VWA8: variants seen among roughly 807,000 people sequenced by gnomAD.
The protein encoded by VWA8 is von Willebrand factor A domain containing 8.
VWA8 carries 221 observed loss-of-function variants against 241.5 expected under a neutral mutation model. That is an observed-to-expected ratio of 0.91 (90% CI 0.82 to 1.02). The LOEUF (loss-of-function observed/expected upper bound fraction) is 1.02, where lower values mean the gene tolerates loss of function less well. Among genes scored for constraint, VWA8 ranks in the 50% least tolerant of loss-of-function variants. The pLI, the probability that VWA8 is intolerant of heterozygous loss-of-function variation, is 0.00. For synonymous variants in VWA8, 852 were observed against 827.1 expected (o/e 1.03, Z -0.52); for missense variants, 2,322 against 2,328.7 (o/e 1.00, Z 0.06).
chr13:41,700,661 T>C (rs1399234569), intron 28 of VWA8, among the ~76,000 whole-genome samples: 4 of 152,242 alleles, frequency 2.6e-5, no homozygotes, highest in African/African-American at 4.8e-5. Flanking sequence ...ACAAGATTTA[T>C]ATTTATCTTT....
chr13:41,719,217 T>A (rs2045365748), intron 26 of VWA8: 1 of 481,548 alleles, frequency 2.1e-6, no homozygotes, highest in Non-Finnish European at 2.7e-6. Context: ...GTAACAGAAA[T>A]AAGAACATAT....
chr13:41,814,309 C>G lies in VWA8; in HGVS notation c.1947+2389G>C, dbSNP rs560236393. Reference sequence around the variant, plus strand: ...TATAATACAACTTGCAAATATATGTCAAGTGTCATGAAAGCAGATTGGAGA... The same window carrying G: ...TATAATACAACTTGCAAATATATGTGAAGTGTCATGAAAGCAGATTGGAGA... On this transcript the variant is annotated intron_variant, in intron 16 of 44. Coordinates refer to ENST00000379310, the MANE Select transcript of VWA8 (RefSeq NM_015058.2). Among the ~76,000 whole-genome samples the G allele has an allele frequency of 4.6e-5, 7 of 152,216 alleles. No homozygotes were observed. In the South Asian group the frequency reaches 1.5e-3, roughly 32 times the overall value.
At chr13:41,844,684 C>T (rs1355533010) in intron 12 of VWA8, among the ~76,000 whole-genome samples, 1 of 151,972 alleles carries the variant, frequency 6.6e-6, no homozygotes, top group Non-Finnish European at 1.5e-5. Context: ...TTCCTACATA[C>T]CAGTAACATT....
At chr13:41,848,602 C>G (rs1872390718) in intron 12 of VWA8, among the ~76,000 whole-genome samples, 1 of 152,170 alleles carries the variant, frequency 6.6e-6, no homozygotes, top group Non-Finnish European at 1.5e-5. Context: ...CCTCCTGCCA[C>G]CTAGTGAAGG....
At chr13:41,694,674 T>C (rs9590627) in intron 29 of VWA8, among the ~76,000 whole-genome samples, 5,010 of 152,210 alleles carry the variant, frequency 0.033, 274 homozygotes, top group African/African-American at 0.11. Context: ...TTAAAATGAA[T>C]TCTTAGCACT....
At chr13:41,679,027 T>C (rs1053207938) in intron 35 of VWA8, among the ~76,000 whole-genome samples, 2 of 152,210 alleles carry the variant, frequency 1.3e-5, no homozygotes, top group African/African-American at 4.8e-5. Flanking sequence ...GTGAAAACTG[T>C]GGCCAGGTTT....
In VWA8 at chr13:41,783,832, A is replaced by G. The variant is rs1869012126; in HGVS notation, c.2240T>C (p.Met747Thr). Residue 747 changes from methionine (M) to threonine (T), a missense_variant, in exon 19 of 45, where the codon ATG becomes ACG. By Grantham distance (81) the Met-to-Thr change is moderately conservative. Transcript: ENST00000379310. ...SAPIYNAHEK[M>T]KVPDVLFYDN... ...ATAGAAAAGAACATCAGGCACTTTC[A>G]TTTTCTCATGTGCATTATAGATCGG... The G allele has an allele frequency of 1.2e-6, 2 of 1,613,422 alleles. No individual in the cohort carries two copies. The highest frequency in any genetic ancestry group is 1.7e-6 in the Non-Finnish European group (2 of 1,179,846).
chr13:41,683,227 A>C (rs1347753147), intron 35 of VWA8, among the ~76,000 whole-genome samples: 1 of 152,118 alleles, frequency 6.6e-6, no homozygotes, highest in Non-Finnish European at 1.5e-5. Flanking sequence ...ACTGTGGTAC[A>C]TCTATATAAT....
intron 12 of VWA8, among the ~76,000 whole-genome samples, chr13:41,855,101 G>A (rs1872686006): frequency 6.6e-6 from 1 of 151,856 alleles, no homozygotes; most frequent in Non-Finnish European, 1.5e-5. Flanking sequence ...ATGTGAAATA[G>A]GGGGAAAATT....
At chr13:41,730,967 C>T (rs2045478356) in intron 22 of VWA8, among the ~76,000 whole-genome samples, 1 of 150,616 alleles carries the variant, frequency 6.6e-6, no homozygotes, top group South Asian at 2.1e-4. Flanking sequence ...CATATGTAAA[C>T]TAACCTGCAC....
chr13:41,859,122 C>G (rs1199132032), intron 12 of VWA8, among the ~76,000 whole-genome samples: 1 of 145,498 alleles, frequency 6.9e-6, no homozygotes, highest in Non-Finnish European at 1.5e-5. Flanking sequence ...AAAAAAAAAG[C>G]CTCCAAGGTC....
intron 12 of VWA8, among the ~76,000 whole-genome samples, chr13:41,836,002 C>T (rs1013235268): frequency 2.0e-5 from 3 of 152,176 alleles, no homozygotes; most frequent in Non-Finnish European, 4.4e-5. Context: ...TTAAGCTCCA[C>T]TATCCTGAAG....
chr13:41,816,786 A>T lies in VWA8; in HGVS notation c.1870-11T>A, dbSNP rs771274017. Reference sequence around the variant, plus strand: ...AGGTACATTTGGGACCTATTTTTTGAAAGAGTTGAGGACAAACAGAAGGAA... The same window carrying T: ...AGGTACATTTGGGACCTATTTTTTGTAAGAGTTGAGGACAAACAGAAGGAA... On this transcript the variant is annotated splice_polypyrimidine_tract_variant and intron_variant, in intron 15 of 44. Transcript: ENST00000379310. 1.2e-6 allele frequency: 2 copies of T among 1,606,468 alleles called. No individual in the cohort carries two copies. Among genetic ancestry groups the T allele is most frequent in the Non-Finnish European group, 1.7e-6 (2 of 1,174,124 alleles).
chr13:41,716,358 T>C (rs956172996), intron 26 of VWA8, among the ~76,000 whole-genome samples: 9 of 152,058 alleles, frequency 5.9e-5, no homozygotes, highest in African/African-American at 2.2e-4. Context: ...ACCTGTGAGA[T>C]AGATAACATC....
At chr13:41,658,268 A>G (rs1343866417) in intron 37 of VWA8, among the ~76,000 whole-genome samples, 1 of 152,202 alleles carries the variant, frequency 6.6e-6, no homozygotes, top group Non-Finnish European at 1.5e-5. Flanking sequence ...AGGCCAGCCT[A>G]GGCAAAATGG....
intron 8 of VWA8, among the ~76,000 whole-genome samples, chr13:41,884,404 C>T (rs972436490): frequency 4.6e-5 from 7 of 152,146 alleles, no homozygotes; most frequent in Admixed American, 1.3e-4. Context: ...TCTTCCACCA[C>T]GATTGTAAGT....
rs531363253 is a variant in VWA8 at position 41,693,563 on chromosome 13, C to G, written c.3565-591G>C. 9.9e-5 allele frequency among the ~76,000 whole-genome samples: 15 copies of G among 152,104 alleles called. No homozygotes were observed. In the East Asian group the frequency reaches 2.3e-3, roughly 23 times the overall value. Reference sequence around the variant, plus strand: ...AATGTTCCTTCATTTAGAAATTCACCAAGCTTGAAGAACCTTCATAACTGG... The same window carrying G: ...AATGTTCCTTCATTTAGAAATTCACGAAGCTTGAAGAACCTTCATAACTGG... On this transcript the variant is annotated intron_variant, in intron 29 of 44. Coordinates refer to ENST00000379310, the MANE Select transcript of VWA8 (RefSeq NM_015058.2).
chr13:41,882,924 T>C (rs1874332450), intron 9 of VWA8, among the ~76,000 whole-genome samples: 1 of 152,140 alleles, frequency 6.6e-6, no homozygotes, highest in African/African-American at 2.4e-5. Context: ...TATGTGTATG[T>C]ATACATATAC....
chr13:41,679,959 T>C (rs1412375063), intron 35 of VWA8, among the ~76,000 whole-genome samples: 1 of 151,286 alleles, frequency 6.6e-6, no homozygotes, highest in Non-Finnish European at 1.5e-5. Context: ...ATGTTTCAGC[T>C]TCAGGTATTA....
Sources: allele counts gnomAD v4.1 joint callset (sites outside exome capture counted in the v4.1 genomes callset), GRCh38; gene constraint gnomAD v4.1.1; transcripts MANE v1.5; gene names NCBI Gene and HGNC (gene_info 2026-07-23, HGNC 2026-07-21).